Variants in PIK3C2G observed in about 807,000 individuals in gnomAD.
The protein encoded by PIK3C2G is phosphatidylinositol 3-kinase C2 domain-containing subunit gamma.
A neutral mutation model predicts 181.1 loss-of-function variants in PIK3C2G; 168 were observed. The observed-to-expected ratio is 0.93, with a 90% CI of 0.82 to 1.05. PIK3C2G has a LOEUF of 1.05. PIK3C2G is among the 50% of genes least tolerant of loss of function. The pLI, the probability that PIK3C2G is intolerant of heterozygous loss-of-function variation, is 0.00. For synonymous variants in PIK3C2G, 573 were observed against 592.2 expected (o/e 0.97, Z 0.47); for missense variants, 1,869 against 1,732.8 (o/e 1.08, Z -1.40).
chr12:18,250,315 G>A (rs1948083105), intron 1 of PIK3C2G, among the ~76,000 whole-genome samples: 1 of 151,910 alleles, frequency 6.6e-6, no homozygotes, highest in South Asian at 2.1e-4. Context: ...TATAGCGGTC[G>A]AAAAACATTT....
chr12:18,562,954 C>T (rs1486545273), intron 27 of PIK3C2G, 62 bp downstream of exon 27: 1 of 1,027,344 alleles, frequency 9.7e-7, no homozygotes, highest in African/African-American at 1.6e-5. Context: ...GACTTCTCTT[C>T]ACTATGCTAC....
intron 24 of PIK3C2G, among the ~76,000 whole-genome samples, chr12:18,533,795 T>C (rs1943687536): frequency 6.6e-6 from 1 of 151,994 alleles, no homozygotes; most frequent in Admixed American, 6.6e-5. Flanking sequence ...ACTCTACATA[T>C]CTTTAGTTCA....
chr12:18,592,597 G>A (rs1011110871), intron 29 of PIK3C2G, among the ~76,000 whole-genome samples: 1 of 151,882 alleles, frequency 6.6e-6, no homozygotes, highest in Non-Finnish European at 1.5e-5. Flanking sequence ...CAGTGTGAGT[G>A]CAGACAATTC....
intron 11 of PIK3C2G, among the ~76,000 whole-genome samples, chr12:18,354,074 GC>G (rs1335877127): frequency 3.3e-5 from 5 of 152,212 alleles, no homozygotes; most frequent in African/African-American, 1.2e-4. Flanking sequence ...TCTGTCACTT[GC>G]AGAGCAGTCT....
the PIK3C2G span, among the ~76,000 whole-genome samples, chr12:18,717,124 T>C: frequency 1.3e-5 from 2 of 152,150 alleles, no homozygotes; most frequent in Non-Finnish European, 2.9e-5. Flanking sequence ...CAGAGAAAAG[T>C]ACAATTAAAT....
chr12:18,584,860 T>C (rs1470863514), intron 29 of PIK3C2G, among the ~76,000 whole-genome samples: 1 of 152,094 alleles, frequency 6.6e-6, no homozygotes. Flanking sequence ...AGGAAATCTA[T>C]AAGCCAGAAG....
At chr12:18,252,926 T>G (rs1948108923) in intron 1 of PIK3C2G, among the ~76,000 whole-genome samples, 1 of 152,084 alleles carries the variant, frequency 6.6e-6, no homozygotes. Flanking sequence ...TAATATAAAT[T>G]TGGACAGTGA....
intron 22 of PIK3C2G, among the ~76,000 whole-genome samples, chr12:18,501,520 C>G (rs956341310): frequency 6.6e-6 from 1 of 152,098 alleles, no homozygotes; most frequent in Non-Finnish European, 1.5e-5. Flanking sequence ...AACCATACAA[C>G]AGAGTTATTT....
intron 6 of PIK3C2G, among the ~76,000 whole-genome samples, chr12:18,320,575 C>G (rs1951065155): frequency 6.6e-6 from 1 of 152,228 alleles, no homozygotes; most frequent in Admixed American, 6.5e-5. Flanking sequence ...GCCCGCCCAT[C>G]TGGCAAAATG....
chr12:18,399,720 T>C lies in PIK3C2G; in HGVS notation c.2188T>C (p.Cys730Arg), dbSNP rs754724193. 23 of 1,603,208 alleles carry C rather than the reference T, an allele frequency of 1.4e-5. No homozygotes were observed. Among genetic ancestry groups the C allele is most frequent in the African/African-American group, 1.3e-5 (1 of 74,832 alleles). Residue 730 changes from cysteine to arginine, a missense_variant, in exon 16 of 33, where the codon TGC becomes CGC. Cys to Arg is a radical substitution (Grantham distance 180). Coordinates refer to ENST00000538779, the MANE Select transcript of PIK3C2G (RefSeq NM_001288772.2). ...FYRFYCNNENCSLPLVLGSAP... is the reference protein window; with the variant it reads ...FYRFYCNNENRSLPLVLGSAP... ...TCGCTTCTACTGCAATAATGAAAAC[T>C]GCTCCCTTCCTTTAGTCCTGGGTAG...
rs149355273 is a variant in PIK3C2G, at chr12:18,409,522, T to C, written c.2315+9675T>C. Among the ~76,000 whole-genome samples, 1,004 of 152,092 alleles carry C rather than the reference T, an allele frequency of 6.6e-3. 11 individuals carry two copies. The highest frequency in any genetic ancestry group is 0.023 in the African/African-American group (968 of 41,516). On this transcript the variant is annotated intron_variant, in intron 16 of 32. Coordinates refer to ENST00000538779, the MANE Select transcript of PIK3C2G (RefSeq NM_001288772.2). ...GTAACAAACCTGCCTGTTCTGAACA[T>C]GTACCCCAGAACTTAAAGTATAATT...
intron 14 of PIK3C2G, among the ~76,000 whole-genome samples, chr12:18,383,774 C>G (rs188729046): frequency 6.6e-6 from 1 of 150,996 alleles, no homozygotes; most frequent in Non-Finnish European, 1.5e-5. Context: ...ACAGGAAGAT[C>G]GGATATGTGA....
intron 8 of PIK3C2G, among the ~76,000 whole-genome samples, chr12:18,336,265 G>T (rs1938524034): frequency 6.6e-6 from 1 of 152,054 alleles, no homozygotes; most frequent in African/African-American, 2.4e-5. Context: ...GGGAGTCTAG[G>T]TACATGAAAG....
intron 1 of PIK3C2G, among the ~76,000 whole-genome samples, chr12:18,272,847 A>G (rs1385213824): frequency 6.6e-6 from 1 of 152,172 alleles, no homozygotes. Flanking sequence ...CCTGAAATCA[A>G]CTGGTCCACC....
chr12:18,566,982 T>C lies in PIK3C2G; in HGVS notation c.3936T>C (p.Asn1312=), dbSNP rs188045770. The C allele has an allele frequency of 3.1e-6, 5 of 1,601,604 alleles. No individual in the cohort carries two copies. In the Admixed American group the frequency reaches 8.3e-5, roughly 27 times the overall value. Residue 1312 remains asparagine, a synonymous_variant, in exon 29 of 33, where the codon AAT becomes AAC. Transcript: ENST00000538779. ...FPHWWHLPFT[N]SDHRRFRDLN... is the part of the protein sequence containing the mutation. ...ATTGGTGGCACCTACCTTTTACAAA[T>C]TCAGATCACAGAAGATTCAGAGATC...
At chr12:18,707,318 G>A in the PIK3C2G span, among the ~76,000 whole-genome samples, 4 of 152,126 alleles carry the variant, frequency 2.6e-5, no homozygotes, top group African/African-American at 9.7e-5. Flanking sequence ...AAAAGAATAG[G>A]TAAAGTTTTT....
chr12:18,456,396 C>T (rs1947631480), intron 18 of PIK3C2G, among the ~76,000 whole-genome samples: 1 of 151,966 alleles, frequency 6.6e-6, no homozygotes, highest in African/African-American at 2.4e-5. Context: ...CTCTCTCCTG[C>T]AGAAAGAGAG....
chr12:18,244,096 C>T (rs1020370879), upstream of PIK3C2G, among the ~76,000 whole-genome samples: 3 of 151,992 alleles, frequency 2.0e-5, no homozygotes, highest in Middle Eastern at 3.4e-3. Flanking sequence ...ATTAAAAATA[C>T]ATTAGTTGTC....
the PIK3C2G span, chr12:18,688,322 G>C: frequency 8.4e-7 from 1 of 1,190,494 alleles, no homozygotes; most frequent in Non-Finnish European, 1.2e-6. Context: ...TGGACTCTAA[G>C]TCAGCTCCCA....
Sources: gnomAD v4.1 joint callset for allele counts (sites outside exome capture counted in the v4.1 genomes callset) on GRCh38, gnomAD v4.1.1 for gene constraint, MANE v1.5 for transcripts, NCBI Gene and HGNC (gene_info 2026-07-23, HGNC 2026-07-21) for gene names.